SRD5A2: variants seen among roughly 807,000 people sequenced by gnomAD.
SRD5A2 encodes 3-oxo-5-alpha-steroid 4-dehydrogenase 2.
Under a neutral mutation model 27.4 loss-of-function variants are expected in SRD5A2, and 30 were observed. That is an observed-to-expected ratio of 1.10 (90% CI 0.82 to 1.49). SRD5A2 has a LOEUF of 1.49. SRD5A2 is among the 40% of genes most tolerant of loss of function. SRD5A2 has a pLI of 0.00. For missense variants in SRD5A2, 348 were observed against 323.4 expected, an observed-to-expected ratio of 1.08 and a Z score of -0.58; for synonymous variants, 141 against 133.6, an observed-to-expected ratio of 1.06 and a Z score of -0.38.
intron 1 of SRD5A2, among the ~76,000 whole-genome samples, chr2:31,537,440 C>A (rs1666049162): frequency 6.6e-6 from 1 of 152,126 alleles, no homozygotes; most frequent in Admixed American, 6.5e-5. Flanking sequence ...TTCCCAAACC[C>A]AAGAATCAAT....
chr2:31,586,007 G>A, the SRD5A2 span, among the ~76,000 whole-genome samples: 6 of 152,056 alleles, frequency 3.9e-5, no homozygotes, highest in Non-Finnish European at 7.4e-5. Flanking sequence ...TGGTTTGAGT[G>A]CCAGCTCAGT....
At chr2:31,587,773 G>C in the SRD5A2 span, among the ~76,000 whole-genome samples, 3 of 152,084 alleles carry the variant, frequency 2.0e-5, no homozygotes, top group African/African-American at 2.4e-5. Flanking sequence ...GGGAGGGAGA[G>C]CGTTAGGACA....
At chr2:31,625,074 T>C in the SRD5A2 span, among the ~76,000 whole-genome samples, 2 of 152,206 alleles carry the variant, frequency 1.3e-5, no homozygotes, top group Non-Finnish European at 2.9e-5. Flanking sequence ...AGATGGTATC[T>C]CATTGTGGTT....
the SRD5A2 span, among the ~76,000 whole-genome samples, chr2:31,636,661 T>G: frequency 6.6e-6 from 1 of 152,090 alleles, no homozygotes; most frequent in Non-Finnish European, 1.5e-5. Flanking sequence ...CTACCCATGT[T>G]GATGAGGGTT....
At chr2:31,531,204 T>C (rs1317543193) in intron 3 of SRD5A2, among the ~76,000 whole-genome samples, 167 bp downstream of exon 3, 2 of 152,180 alleles carry the variant, frequency 1.3e-5, no homozygotes, top group Non-Finnish European at 2.9e-5. Flanking sequence ...AGATTAGAAA[T>C]GCAGAGGTAC....
At chr2:31,536,312 C>T (rs1217497033) in intron 1 of SRD5A2, among the ~76,000 whole-genome samples, 2 of 152,216 alleles carry the variant, frequency 1.3e-5, no homozygotes, top group African/African-American at 4.8e-5. Flanking sequence ...AATAAAAGCT[C>T]ATTTCTTGCT....
upstream of SRD5A2, chr2:31,580,997 CCCTCGG>C: frequency 7.3e-7 from 1 of 1,368,262 alleles, no homozygotes; most frequent in East Asian, 2.5e-5. Context: ...CGTGTCCGCC[CCCTCGG>C]CCTTGGCTCC....
chr2:31,601,637 C>T, the SRD5A2 span, among the ~76,000 whole-genome samples: 1 of 151,902 alleles, frequency 6.6e-6, no homozygotes, highest in African/African-American at 2.4e-5. Flanking sequence ...AATATCCCTG[C>T]TGAGCACTGA....
chr2:31,603,334 A>G, the SRD5A2 span, among the ~76,000 whole-genome samples: 4 of 152,232 alleles, frequency 2.6e-5, no homozygotes, highest in East Asian at 3.9e-4. Context: ...GAGAAATGCA[A>G]ATAAAAACCA....
At chr2:31,531,615 G>C in intron 2 of SRD5A2, 143 bp from the exon 3 acceptor site, 1 of 506,204 alleles carries the variant, frequency 2.0e-6, no homozygotes, top group Non-Finnish European at 3.4e-6. Flanking sequence ...AGAAAGTGGG[G>C]AGGGCAATGA....
intron 1 of SRD5A2, among the ~76,000 whole-genome samples, chr2:31,567,333 A>T (rs1157371079): frequency 2.6e-5 from 4 of 152,162 alleles, no homozygotes; most frequent in African/African-American, 9.7e-5. Flanking sequence ...ACACAGGGCC[A>T]CATATACATA....
intron 1 of SRD5A2, among the ~76,000 whole-genome samples, chr2:31,543,261 G>A (rs923244311): frequency 5.9e-5 from 9 of 152,188 alleles, no homozygotes; most frequent in African/African-American, 1.9e-4. Flanking sequence ...AGCTGAGATA[G>A]CTTGCTGCCC....
the SRD5A2 span, among the ~76,000 whole-genome samples, chr2:31,639,427 C>T: frequency 6.6e-6 from 1 of 152,026 alleles, no homozygotes; most frequent in Non-Finnish European, 1.5e-5. Flanking sequence ...CTTTATTTTA[C>T]CAGTGGGCTT....
chr2:31,549,295 G>C (rs916832161), intron 1 of SRD5A2, among the ~76,000 whole-genome samples: 1 of 151,592 alleles, frequency 6.6e-6, no homozygotes. Flanking sequence ...TGTATTTTTA[G>C]TAGAGAGGGG....
chr2:31,566,417 C>A (rs560426878), intron 1 of SRD5A2, among the ~76,000 whole-genome samples: 1 of 152,178 alleles, frequency 6.6e-6, no homozygotes, highest in African/African-American at 2.4e-5. Context: ...AAATAAAAAT[C>A]TAGTTCTGAG....
the SRD5A2 span, among the ~76,000 whole-genome samples, chr2:31,620,920 T>TTA: frequency 6.8e-6 from 1 of 146,860 alleles, no homozygotes; most frequent in African/African-American, 2.5e-5. Flanking sequence ...CCCTTAAAAA[T>TTA]TATATATATA....
At chr2:31,598,308 AG>A in the SRD5A2 span, among the ~76,000 whole-genome samples, 1 of 151,938 alleles carries the variant, frequency 6.6e-6, no homozygotes, top group Admixed American at 6.6e-5. Context: ...GAAAGGTGCA[AG>A]GGGGGTGAGA....
the SRD5A2 span, among the ~76,000 whole-genome samples, chr2:31,643,619 A>G: frequency 6.6e-6 from 1 of 151,818 alleles, no homozygotes; most frequent in Non-Finnish European, 1.5e-5. Flanking sequence ...AGAAAAGGCT[A>G]ATTTCAGGAC....
chr2:31,589,555 A>C, the SRD5A2 span, among the ~76,000 whole-genome samples: 2 of 152,144 alleles, frequency 1.3e-5, no homozygotes, highest in Non-Finnish European at 2.9e-5. Context: ...CTGCCTCTCT[A>C]GGGAGGGCTG....
Sources: allele counts gnomAD v4.1 joint callset (sites outside exome capture counted in the v4.1 genomes callset), GRCh38; gene constraint gnomAD v4.1.1; transcripts MANE v1.5; gene names NCBI Gene and HGNC (gene_info 2026-07-23, HGNC 2026-07-21).